Variants in SLC35F4 observed in about 807,000 individuals in gnomAD.
The protein encoded by SLC35F4 is chromosome 14 open reading frame 36.
In SLC35F4, 24 loss-of-function variants were observed where a neutral mutation model predicts 44.2. That is an observed-to-expected ratio of 0.54 (90% CI 0.39 to 0.76). The LOEUF is 0.76. Among genes scored for constraint, SLC35F4 ranks in the 30% least tolerant of loss-of-function variants. The probability of loss-of-function intolerance (pLI) is 0.00; values close to 1 mark genes in which losing one functional copy is unlikely to be tolerated. For synonymous variants in SLC35F4, 238 were observed against 223.6 expected (o/e 1.06, Z -0.57); for missense variants, 562 against 586.1 (o/e 0.96, Z 0.42).
intron 1 of SLC35F4, among the ~76,000 whole-genome samples, chr14:57,921,028 A>G (rs550555141): frequency 1.3e-5 from 2 of 152,336 alleles, no homozygotes; most frequent in East Asian, 1.9e-4. Context: ...GTGTTCTCCT[A>G]TTATTTTAGA....
intron 1 of SLC35F4, among the ~76,000 whole-genome samples, chr14:57,769,303 T>A (rs891869172): frequency 6.6e-6 from 1 of 152,076 alleles, no homozygotes; most frequent in African/African-American, 2.4e-5. Flanking sequence ...CTTTTCAAAA[T>A]AATTGCTTTG....
intron 1 of SLC35F4, among the ~76,000 whole-genome samples, chr14:57,642,528 G>A (rs186697487): frequency 6.6e-6 from 1 of 151,042 alleles, no homozygotes; most frequent in African/African-American, 2.4e-5. Flanking sequence ...ATCCCCTTCT[G>A]AGTTTATATT....
intron 1 of SLC35F4, among the ~76,000 whole-genome samples, chr14:57,609,902 C>T (rs2071391505): frequency 6.6e-6 from 1 of 152,166 alleles, no homozygotes; most frequent in African/African-American, 2.4e-5. Context: ...GCCATGTGTT[C>T]CTAGCCTCCA....
At chr14:57,565,560 C>G (rs2068164789) in intron 7 of SLC35F4, among the ~76,000 whole-genome samples, 1 of 152,180 alleles carries the variant, frequency 6.6e-6, no homozygotes, top group Non-Finnish European at 1.5e-5. Flanking sequence ...CTGGTGTACA[C>G]TAATTGCTCA....
intron 5 of SLC35F4, among the ~76,000 whole-genome samples, chr14:57,571,471 A>G (rs1342100642): frequency 6.6e-6 from 1 of 152,238 alleles, no homozygotes; most frequent in African/African-American, 2.4e-5. Flanking sequence ...AATAATGACC[A>G]TAGATAATTA....
chr14:57,850,995 G>A (rs574463479), intron 1 of SLC35F4, among the ~76,000 whole-genome samples: 12 of 152,172 alleles, frequency 7.9e-5, no homozygotes, highest in African/African-American at 2.6e-4. Flanking sequence ...CCCTCTTCCT[G>A]CAAAAAAGCT....
chr14:57,751,891 A>G (rs1442864959), intron 1 of SLC35F4, among the ~76,000 whole-genome samples: 1 of 151,664 alleles, frequency 6.6e-6, no homozygotes, highest in Non-Finnish European at 1.5e-5. Context: ...GGGATTCTAA[A>G]AATAAGCCCT....
intron 1 of SLC35F4, among the ~76,000 whole-genome samples, chr14:57,792,530 G>C (rs2077948974): frequency 6.6e-6 from 1 of 152,050 alleles, no homozygotes; most frequent in Admixed American, 6.6e-5. Context: ...CAACCAATGA[G>C]TGGATAAAGA....
intron 1 of SLC35F4, among the ~76,000 whole-genome samples, chr14:57,728,441 C>CTTTTTTT (rs869064667): frequency 2.2e-4 from 13 of 59,022 alleles, no homozygotes; most frequent in African/African-American, 5.9e-4. Context: ...TTCTTTCTTT[C>CTTTTTTT]TTTTTTTTTT....
chr14:57,651,804 G>T (rs2073794606), intron 1 of SLC35F4, among the ~76,000 whole-genome samples: 2 of 152,146 alleles, frequency 1.3e-5, no homozygotes, highest in South Asian at 4.1e-4. Context: ...GGGAGCAGAG[G>T]GGCGTGAAAT....
intron 1 of SLC35F4, among the ~76,000 whole-genome samples, chr14:57,925,530 G>GAA (rs1224027809): frequency 3.9e-5 from 4 of 103,848 alleles, no homozygotes; most frequent in African/African-American, 1.1e-4. Context: ...AGGGAGGGAG[G>GAA]GAGGGAGGGA....
chr14:57,784,297 A>G (rs1343974923), intron 1 of SLC35F4, among the ~76,000 whole-genome samples: 1 of 152,166 alleles, frequency 6.6e-6, no homozygotes, highest in Non-Finnish European at 1.5e-5. Flanking sequence ...ATTATTCAAG[A>G]CTGCTTTTAA....
intron 1 of SLC35F4, among the ~76,000 whole-genome samples, chr14:57,948,565 C>T: frequency 6.6e-6 from 1 of 151,706 alleles, no homozygotes; most frequent in East Asian, 1.9e-4. Context: ...TATTTCTTTT[C>T]TTCTGCTGAT....
intron 1 of SLC35F4, among the ~76,000 whole-genome samples, chr14:57,915,823 T>C (rs939934271): frequency 6.6e-6 from 1 of 152,200 alleles, no homozygotes; most frequent in African/African-American, 2.4e-5. Flanking sequence ...TTTCCAGTTC[T>C]GGGGTCTTCT....
At chr14:57,856,981 T>A (rs1390794693) in intron 1 of SLC35F4, among the ~76,000 whole-genome samples, 1 of 151,994 alleles carries the variant, frequency 6.6e-6, no homozygotes, top group Non-Finnish European at 1.5e-5. Flanking sequence ...TTTTTAAAAA[T>A]TGCCTTTTCC....
At chr14:57,785,790 C>T (rs1464636214) in intron 1 of SLC35F4, among the ~76,000 whole-genome samples, 1 of 152,178 alleles carries the variant, frequency 6.6e-6, no homozygotes, top group East Asian at 1.9e-4. Context: ...CCCTGGCAGG[C>T]AATTCCTGCC....
chr14:57,653,484 C>T (rs915316250), intron 1 of SLC35F4, among the ~76,000 whole-genome samples: 4 of 152,120 alleles, frequency 2.6e-5, no homozygotes, highest in East Asian at 1.9e-4. Context: ...GTTGGTGGGT[C>T]GGGGGAGCCC....
At chr14:57,570,338 A>G (rs540206693) in intron 5 of SLC35F4, among the ~76,000 whole-genome samples, 1 of 152,300 alleles carries the variant, frequency 6.6e-6, no homozygotes, top group South Asian at 2.1e-4. Context: ...CTTAACTTAA[A>G]GCATGGGATT....
At chr14:57,624,558 A>C (rs906350217) in intron 1 of SLC35F4, among the ~76,000 whole-genome samples, 1 of 152,190 alleles carries the variant, frequency 6.6e-6, no homozygotes, top group African/African-American at 2.4e-5. Context: ...ATCCTCAGTA[A>C]AATACTGGAA....
Sources: gnomAD v4.1 joint callset for allele counts (sites outside exome capture counted in the v4.1 genomes callset) on GRCh38, gnomAD v4.1.1 for gene constraint, MANE v1.5 for transcripts, NCBI Gene and HGNC (gene_info 2026-07-23, HGNC 2026-07-21) for gene names.